The following ARID2 variants were observed in gnomAD, a reference collection of about 807,000 sequenced individuals.
The protein encoded by ARID2 is AT-rich interactive domain-containing protein 2.
A neutral mutation model predicts 184.6 loss-of-function variants in ARID2; 32 were observed. That is an observed-to-expected ratio of 0.17 (90% CI 0.13 to 0.23). The LOEUF (loss-of-function observed/expected upper bound fraction) is 0.23, where lower values mean the gene tolerates loss of function less well. ARID2 is among the 10% of genes least tolerant of loss of function. The probability of loss-of-function intolerance (pLI) is 1.00; values close to 1 mark genes in which losing one functional copy is unlikely to be tolerated. For missense variants in ARID2, 1,696 were observed against 2,197.6 expected, an observed-to-expected ratio of 0.77 and a Z score of 4.56; for synonymous variants, 836 against 772.6, an observed-to-expected ratio of 1.08 and a Z score of -1.36.
At chr12:45,883,000 TGTC>T (rs1944129352) in intron 16 of ARID2, among the ~76,000 whole-genome samples, 1 of 152,250 alleles carries the variant, frequency 6.6e-6, no homozygotes, top group South Asian at 2.1e-4. Flanking sequence ...GATAACAAGT[TGTC>T]GTCATCTTGC....
intron 2 of ARID2, among the ~76,000 whole-genome samples, chr12:45,730,366 C>G (rs1178412462): frequency 6.9e-6 from 1 of 145,692 alleles, no homozygotes; most frequent in African/African-American, 2.5e-5. Context: ...CGGCCCGGCG[C>G]CGGCTCGCGC....
At chr12:45,836,686 C>T (rs2138125952) in intron 7 of ARID2, 31 bp downstream of exon 7, 1 of 1,601,260 alleles carries the variant, frequency 6.2e-7, no homozygotes, top group Non-Finnish European at 8.5e-7. Context: ...TTTTTCAAAA[C>T]CTTTGAAGTA....
At chr12:45,876,479 G>A (rs1354756844) in intron 16 of ARID2, among the ~76,000 whole-genome samples, 2 of 151,640 alleles carry the variant, frequency 1.3e-5, no homozygotes, top group Non-Finnish European at 2.9e-5. Flanking sequence ...GAGCCCGGAA[G>A]GTGGAGGTTG....
At chr12:45,803,330 A>AT (rs542100417) in intron 3 of ARID2, among the ~76,000 whole-genome samples, 5 of 151,504 alleles carry the variant, frequency 3.3e-5, no homozygotes, top group Admixed American at 6.6e-5. Context: ...TTCCAACAGT[A>AT]TTTTTTTTGC....
chr12:45,777,101 A>G (rs763348509), intron 3 of ARID2, among the ~76,000 whole-genome samples: 3 of 151,686 alleles, frequency 2.0e-5, no homozygotes, highest in Middle Eastern at 3.2e-3. Context: ...CTCCATCTCT[A>G]TTTTTTAAAT....
chr12:45,746,017 T>C (rs956529856), intron 3 of ARID2, among the ~76,000 whole-genome samples: 8 of 152,034 alleles, frequency 5.3e-5, no homozygotes, highest in Non-Finnish European at 4.4e-5. Flanking sequence ...CCAAGGATAC[T>C]CATTTAAAGG....
intron 6 of ARID2, among the ~76,000 whole-genome samples, chr12:45,827,461 A>G (rs1033603337): frequency 7.9e-5 from 12 of 152,264 alleles, no homozygotes; most frequent in East Asian, 5.8e-4. Flanking sequence ...CTGTGTGCCA[A>G]TACTTTTCCA....
rs1273340081 is a variant in ARID2 at position 45,851,965 on chromosome 12, G to C, written c.3842G>C (p.Gly1281Ala). The change falls in exon 15 of 21, where the codon GGG (glycine) becomes GCG (alanine). Residue 1281 changes from glycine to alanine, a missense_variant. Coordinates refer to ENST00000334344, the MANE Select transcript of ARID2 (RefSeq NM_152641.4). ...CGAGGAGCCACAAACACCAGCAATGGGGATACAAAGGAAAATGAAATGCAT... is the reference window on the plus strand; with the variant it reads ...CGAGGAGCCACAAACACCAGCAATGCGGATACAAAGGAAAATGAAATGCAT... ...CRRGATNTSN[G>A]DTKENEMHVG... 2 of 1,614,130 alleles carry C rather than the reference G, an allele frequency of 1.2e-6. No homozygotes were observed. Among genetic ancestry groups the C allele is most frequent in the Non-Finnish European group, 1.7e-6 (2 of 1,180,020 alleles).
At chr12:45,846,748 TTAAA>T in intron 11 of ARID2, 104 bp from the exon 12 acceptor site, 1 of 925,462 alleles carries the variant, frequency 1.1e-6, no homozygotes, top group Non-Finnish European at 1.7e-6. Context: ...TATACACCTT[TTAAA>T]AAGGTATTCA....
chr12:45,896,416 G>C (rs1486181530), intron 20 of ARID2, among the ~76,000 whole-genome samples: 1 of 152,150 alleles, frequency 6.6e-6, no homozygotes, highest in Admixed American at 6.5e-5. Context: ...TTGTGGGAGG[G>C]ACCCGGCAGG....
At chr12:45,735,622 G>T (rs895621249) in intron 3 of ARID2, among the ~76,000 whole-genome samples, 7 of 151,972 alleles carry the variant, frequency 4.6e-5, no homozygotes, top group Non-Finnish European at 1.0e-4. Flanking sequence ...GCCTGGCAGT[G>T]TATCCATTTT....
chr12:45,867,570 G>GT (rs1193244187), intron 16 of ARID2, among the ~76,000 whole-genome samples: 3 of 149,162 alleles, frequency 2.0e-5, no homozygotes, highest in African/African-American at 7.4e-5. Context: ...GTGAAACCCC[G>GT]TCTCTACTAA....
At chr12:45,896,375 C>T (rs1367884304) in intron 20 of ARID2, among the ~76,000 whole-genome samples, 1 of 152,182 alleles carries the variant, frequency 6.6e-6, no homozygotes, top group Non-Finnish European at 1.5e-5. Context: ...GGCTGTGTCC[C>T]CACCCAGATC....
intron 3 of ARID2, among the ~76,000 whole-genome samples, chr12:45,757,630 C>T (rs1039268550): frequency 2.6e-5 from 4 of 152,120 alleles, no homozygotes; most frequent in Admixed American, 6.5e-5. Context: ...ATTTAGAATG[C>T]ACTAGAAGAG....
chr12:45,877,368 G>A (rs1006854053), intron 16 of ARID2, among the ~76,000 whole-genome samples: 10 of 152,036 alleles, frequency 6.6e-5, no homozygotes, highest in Middle Eastern at 3.4e-3. Context: ...CTGTGCATGC[G>A]AGGGATCTAG....
intron 3 of ARID2, among the ~76,000 whole-genome samples, chr12:45,808,690 A>G (rs182680487): frequency 1.8e-3 from 278 of 151,542 alleles, no homozygotes; most frequent in Non-Finnish European, 3.5e-3. Context: ...TTTACTAACA[A>G]TGTTGCTTTC....
intron 3 of ARID2, among the ~76,000 whole-genome samples, chr12:45,767,072 AT>A (rs1257159224): frequency 6.6e-6 from 1 of 152,128 alleles, no homozygotes. Flanking sequence ...TGGCCAATCT[AT>A]TTTTTGCCAT....
intron 16 of ARID2, among the ~76,000 whole-genome samples, chr12:45,879,226 G>C (rs923497359): frequency 6.6e-6 from 1 of 152,128 alleles, no homozygotes; most frequent in Non-Finnish European, 1.5e-5. Context: ...AAGACGAAAA[G>C]TCTAGAGAGG....
At chr12:45,796,268 G>T (rs1305042313) in intron 3 of ARID2, among the ~76,000 whole-genome samples, 1 of 151,464 alleles carries the variant, frequency 6.6e-6, no homozygotes, top group African/African-American at 2.4e-5. Context: ...TTTTTACATA[G>T]TATCTAAAAT....
Sources: allele counts gnomAD v4.1 joint callset (sites outside exome capture counted in the v4.1 genomes callset), GRCh38; gene constraint gnomAD v4.1.1; transcripts MANE v1.5; gene names NCBI Gene and HGNC (gene_info 2026-07-23, HGNC 2026-07-21).